TRAM1: variants seen among roughly 807,000 people sequenced by gnomAD.
TRAM1 encodes translocation associated membrane protein 1, also known as translocating chain-associated membrane protein 1.
TRAM1 carries 17 observed loss-of-function variants against 48.7 expected under a neutral mutation model. The observed-to-expected ratio is 0.35, with a 90% CI of 0.24 to 0.52. The LOEUF (loss-of-function observed/expected upper bound fraction) is 0.52, where lower values mean the gene tolerates loss of function less well. Among genes scored for constraint, TRAM1 ranks in the 20% least tolerant of loss-of-function variants. TRAM1 has a pLI of 0.94. For synonymous variants in TRAM1, 182 were observed against 154.0 expected (o/e 1.18, Z -1.34); for missense variants, 351 against 441.5 (o/e 0.79, Z 1.84).
chr8:70,607,137 A>G, intron 1 of TRAM1: 4 of 981,242 alleles, frequency 4.1e-6, no homozygotes, highest in Non-Finnish European at 4.8e-6. Context: ...AAGCAAAGGA[A>G]TGAGCGTGTG....
intron 1 of TRAM1, chr8:70,607,777 C>T (rs915836671): frequency 9.2e-6 from 2 of 217,112 alleles, no homozygotes; most frequent in South Asian, 3.5e-4. Flanking sequence ...CCAGGAACTG[C>T]GCCGCGCAGC....
At position 70,608,213 on chromosome 8, in the gene TRAM1, C is replaced by G. The variant is rs377041764; in HGVS notation, c.-14G>C. 18 of 1,583,296 alleles carry G rather than the reference C, an allele frequency of 1.1e-5. No individual in the cohort carries two copies. The highest frequency in any genetic ancestry group is 1.5e-5 in the Non-Finnish European group (18 of 1,167,896). ...GCGAATCGCCATGGTGGGGCCGCCG[C>G]CCGCGCCTGCAGGTGCTCCGCCCCG... On this transcript the variant is annotated 5_prime_UTR_variant, in exon 1 of 11. Coordinates refer to ENST00000262213, the MANE Select transcript of TRAM1 (RefSeq NM_014294.6).
At chr8:70,591,241 G>T (rs1432333584) in intron 6 of TRAM1, among the ~76,000 whole-genome samples, 1 of 152,174 alleles carries the variant, frequency 6.6e-6, no homozygotes. Context: ...CCAGTAGCCA[G>T]GACTACAGGT....
intron 1 of TRAM1, among the ~76,000 whole-genome samples, chr8:70,606,302 C>T (rs1000562253): frequency 6.6e-6 from 1 of 152,140 alleles, no homozygotes; most frequent in African/African-American, 2.4e-5. Context: ...AAGTAATTAT[C>T]CCACCTCAGC....
rs892724742 is a variant in TRAM1, at chr8:70,583,122, T to C, written c.1051+42A>G. ...ATCCAACAACAAATTTTTTAAAAGT[T>C]TTCTACTTCCATGAGTTTTTCATTG... On this transcript the variant is annotated intron_variant, in intron 10 of 10. Coordinates refer to ENST00000262213, the MANE Select transcript of TRAM1 (RefSeq NM_014294.6). 19 of 1,570,616 alleles carry C rather than the reference T, an allele frequency of 1.2e-5. No homozygotes were observed. The African/African-American group carries it at 2.6e-4, about 22-fold the overall frequency.
chr8:70,591,431 A>G (rs1039109638), intron 6 of TRAM1, among the ~76,000 whole-genome samples: 2 of 152,196 alleles, frequency 1.3e-5, no homozygotes, highest in African/African-American at 4.8e-5. Context: ...AGCCTTGCCT[A>G]GCACCAGCAC....
chr8:70,596,654 G>A (rs1817492918), intron 4 of TRAM1, among the ~76,000 whole-genome samples: 1 of 151,920 alleles, frequency 6.6e-6, no homozygotes. Context: ...CAGGAGAGAA[G>A]AATTTTGTCT....
intron 2 of TRAM1, 76 bp from the exon 3 acceptor site, chr8:70,598,331 A>G: frequency 7.2e-7 from 1 of 1,395,190 alleles, no homozygotes; most frequent in South Asian, 1.6e-5. Context: ...CAACATAGTT[A>G]TGGAAACAAA....
chr8:70,598,847 T>G (rs1348098219), intron 2 of TRAM1, among the ~76,000 whole-genome samples: 1 of 152,234 alleles, frequency 6.6e-6, no homozygotes, highest in Non-Finnish European at 1.5e-5. Context: ...ATGGGGAACA[T>G]ATACATAAAA....
intron 1 of TRAM1, among the ~76,000 whole-genome samples, chr8:70,603,300 T>TTATA (rs201098583): frequency 6.6e-5 from 4 of 60,716 alleles, no homozygotes; most frequent in Admixed American, 1.2e-4. Context: ...TATATATGTT[T>TTATA]TATACACACA....
chr8:70,584,933 A>C (rs1051551971), intron 8 of TRAM1, among the ~76,000 whole-genome samples: 1 of 152,192 alleles, frequency 6.6e-6, no homozygotes, highest in Non-Finnish European at 1.5e-5. Flanking sequence ...AAACTACTTT[A>C]AAGTTCATAT....
intron 10 of TRAM1, among the ~76,000 whole-genome samples, chr8:70,581,853 C>G (rs1453066872): frequency 1.3e-5 from 2 of 152,122 alleles, no homozygotes; most frequent in African/African-American, 4.8e-5. Context: ...AAGCATTATC[C>G]ATTTGCAAAA....
At chr8:70,578,490 T>C (rs747708052) in intron 10 of TRAM1, among the ~76,000 whole-genome samples, 1 of 152,150 alleles carries the variant, frequency 6.6e-6, no homozygotes, top group African/African-American at 2.4e-5. Context: ...CAAAAAGTAG[T>C]GGCATGGTGA....
At chr8:70,586,276 G>A (rs1817217490) in intron 8 of TRAM1, among the ~76,000 whole-genome samples, 1 of 25,918 alleles carries the variant, frequency 3.9e-5, no homozygotes, top group South Asian at 1.4e-3. Flanking sequence ...ACTGTTGTGG[G>A]GTGGGGGAGG....
At chr8:70,592,316 G>C (rs1213540102) in intron 6 of TRAM1, among the ~76,000 whole-genome samples, 3 of 150,872 alleles carry the variant, frequency 2.0e-5, no homozygotes, top group Admixed American at 6.6e-5. Context: ...TTTCCTATTT[G>C]TCTGTATGAT....
At chr8:70,595,674 C>T (rs1285338363) in intron 5 of TRAM1, among the ~76,000 whole-genome samples, 1 of 152,154 alleles carries the variant, frequency 6.6e-6, no homozygotes, top group Non-Finnish European at 1.5e-5. Context: ...ATAGACACTA[C>T]ATCAAATTTC....
chr8:70,583,641 T>C lies in TRAM1; in HGVS notation c.890+9A>G, dbSNP rs776200594. 5 of 1,604,070 alleles carry C rather than the reference T, an allele frequency of 3.1e-6. No homozygotes were observed. In the Admixed American group the frequency reaches 5.3e-5, roughly 17 times the overall value. ...GTATAAAGTGAAAAAAATGTTAAATTGATCGTACCTAACAGCTAACACATT... is the reference window on the plus strand; with the variant it reads ...GTATAAAGTGAAAAAAATGTTAAATCGATCGTACCTAACAGCTAACACATT... On this transcript the variant is annotated intron_variant, in intron 9 of 10. Transcript: ENST00000262213.
intron 6 of TRAM1, among the ~76,000 whole-genome samples, chr8:70,588,618 A>G (rs1817279395): frequency 2.0e-5 from 3 of 152,170 alleles, no homozygotes; most frequent in Admixed American, 2.0e-4. Flanking sequence ...AGAAAATGCT[A>G]GAGTATATAG....
intron 8 of TRAM1, among the ~76,000 whole-genome samples, chr8:70,585,673 G>T (rs1292162350): frequency 2.1e-4 from 30 of 140,364 alleles, no homozygotes; most frequent in Middle Eastern, 7.0e-3. Flanking sequence ...ATGAAAAAAT[G>T]CTCATCATCA....
Sources: gnomAD v4.1 joint callset for allele counts (sites outside exome capture counted in the v4.1 genomes callset) on GRCh38, gnomAD v4.1.1 for gene constraint, MANE v1.5 for transcripts, NCBI Gene and HGNC (gene_info 2026-07-23, HGNC 2026-07-21) for gene names.